Variants in ARHGAP44 observed in about 807,000 individuals in gnomAD.
ARHGAP44 encodes the protein Rho GTPase activating protein 44.
ARHGAP44 carries 43 observed loss-of-function variants against 106.8 expected under a neutral mutation model. The ratio of observed to expected loss-of-function variants is 0.40; its 90% CI spans 0.32 to 0.52. ARHGAP44 has a LOEUF of 0.52. Among genes scored for constraint, ARHGAP44 ranks in the 20% least tolerant of loss-of-function variants. The probability of loss-of-function intolerance (pLI) is 0.48; values close to 1 mark genes in which losing one functional copy is unlikely to be tolerated. For missense variants in ARHGAP44, 866 were observed against 1,050.5 expected (o/e 0.82, Z 2.43); for synonymous variants, 439 against 410.3 (o/e 1.07, Z -0.85).
chr17:12,903,140 AGTGTGTGTGTGTGTGTGTGTGT>A (rs546197652), intron 3 of ARHGAP44, among the ~76,000 whole-genome samples: 19 of 57,574 alleles, frequency 3.3e-4, no homozygotes, highest in African/African-American at 8.8e-4. Context: ...AGAGAGAGAG[AGTGTGTGTGTGTGTGTGTGTGT>A]GTGTGTGTGT....
chr17:12,932,556 A>G (rs947152897), intron 7 of ARHGAP44, among the ~76,000 whole-genome samples: 12 of 152,220 alleles, frequency 7.9e-5, no homozygotes, highest in Admixed American at 7.8e-4. Flanking sequence ...GATCCTGGGT[A>G]GCCCTTTGGA....
At chr17:12,956,982 G>A (rs1227189776) in intron 15 of ARHGAP44, among the ~76,000 whole-genome samples, 1 of 151,938 alleles carries the variant, frequency 6.6e-6, no homozygotes, top group Non-Finnish European at 1.5e-5. Context: ...ATGGAGTTTT[G>A]CTCTTGTTGC....
chr17:12,877,712 T>A (rs1331416132), intron 1 of ARHGAP44, among the ~76,000 whole-genome samples: 1 of 151,300 alleles, frequency 6.6e-6, no homozygotes, highest in East Asian at 1.9e-4. Flanking sequence ...ATCGCGCCAC[T>A]GCACCCCAGC....
intron 1 of ARHGAP44, among the ~76,000 whole-genome samples, chr17:12,814,096 T>C (rs1165366534): frequency 6.6e-6 from 1 of 151,800 alleles, no homozygotes; most frequent in Non-Finnish European, 1.5e-5. Context: ...TTAATTCATC[T>C]CCCTTTTTGA....
intron 1 of ARHGAP44, among the ~76,000 whole-genome samples, chr17:12,799,311 A>C (rs2034017756): frequency 6.6e-6 from 1 of 152,208 alleles, no homozygotes; most frequent in Non-Finnish European, 1.5e-5. Context: ...TTAACATAGC[A>C]AAAGCTTCCT....
intron 1 of ARHGAP44, among the ~76,000 whole-genome samples, chr17:12,849,212 GGC>G (rs1199992315): frequency 1.5e-5 from 2 of 131,980 alleles, no homozygotes; most frequent in East Asian, 5.1e-4. Flanking sequence ...AACTGAGGTG[GGC>G]GTGTGTGTGT....
chr17:12,968,241 C>T (rs2039440152), intron 16 of ARHGAP44, among the ~76,000 whole-genome samples: 1 of 152,124 alleles, frequency 6.6e-6, no homozygotes, highest in Non-Finnish European at 1.5e-5. Flanking sequence ...TTTTATCTGT[C>T]TCCACCTTAC....
intron 3 of ARHGAP44, among the ~76,000 whole-genome samples, chr17:12,904,621 A>G (rs956523473): frequency 6.6e-6 from 1 of 152,244 alleles, no homozygotes; most frequent in Non-Finnish European, 1.5e-5. Flanking sequence ...AGACAGTTCC[A>G]TAGGTAGTGA....
chr17:12,945,665 T>G (rs146443338), intron 10 of ARHGAP44, among the ~76,000 whole-genome samples: 2 of 152,318 alleles, frequency 1.3e-5, no homozygotes, highest in African/African-American at 4.8e-5. Context: ...GTATGTGGCA[T>G]GCTTCCTGTA....
At chr17:12,986,952 G>A in intron 20 of ARHGAP44, 1 of 698,936 alleles carries the variant, frequency 1.4e-6, no homozygotes, top group Non-Finnish European at 2.4e-6. Flanking sequence ...CATACGTTCA[G>A]GTCTCTGAGC....
intron 1 of ARHGAP44, among the ~76,000 whole-genome samples, chr17:12,869,114 C>T (rs1301242769): frequency 6.6e-6 from 1 of 151,858 alleles, no homozygotes; most frequent in Non-Finnish European, 1.5e-5. Context: ...GCCTGGGGCT[C>T]GAAAATAACC....
chr17:12,871,858 G>A (rs1364903097), intron 1 of ARHGAP44, among the ~76,000 whole-genome samples: 2 of 152,090 alleles, frequency 1.3e-5, no homozygotes, highest in Non-Finnish European at 2.9e-5. Context: ...TACCATGATT[G>A]TAAGTTTCCT....
At chr17:12,808,166 A>G (rs894160545) in intron 1 of ARHGAP44, among the ~76,000 whole-genome samples, 1 of 152,248 alleles carries the variant, frequency 6.6e-6, no homozygotes, top group African/African-American at 2.4e-5. Flanking sequence ...GTGGATTTGC[A>G]GGCTACAGTC....
At chr17:12,849,995 C>T (rs1009917497) in intron 1 of ARHGAP44, among the ~76,000 whole-genome samples, 1 of 152,144 alleles carries the variant, frequency 6.6e-6, no homozygotes, top group Non-Finnish European at 1.5e-5. Context: ...TCAGATTTCC[C>T]TTATGCTTCA....
At position 12,931,789 on chromosome 17, in the gene ARHGAP44, G is replaced by A. The variant is rs144304691; in HGVS notation, c.582+2743G>A. Reference sequence around the variant, plus strand: ...GCTGGGATTACAGGCATGAGCCACCGCACCCAGCCGTTAGTCTTTTTTATA... The same window carrying A: ...GCTGGGATTACAGGCATGAGCCACCACACCCAGCCGTTAGTCTTTTTTATA... On this transcript the variant is annotated intron_variant, in intron 7 of 20. Transcript: ENST00000379672. Among the ~76,000 whole-genome samples, 967 of 151,332 alleles carry A rather than the reference G, an allele frequency of 6.4e-3. 13 individuals are homozygous for A. The highest frequency in any genetic ancestry group is 0.022 in the African/African-American group (921 of 41,138).
intron 1 of ARHGAP44, among the ~76,000 whole-genome samples, chr17:12,884,537 T>C (rs1417842476): frequency 6.6e-6 from 1 of 152,232 alleles, no homozygotes; most frequent in African/African-American, 2.4e-5. Context: ...GTTTCTTTTT[T>C]ACTTTTAAAA....
chr17:12,979,492 C>T (rs1310534416), intron 18 of ARHGAP44, among the ~76,000 whole-genome samples: 1 of 152,106 alleles, frequency 6.6e-6, no homozygotes, highest in Non-Finnish European at 1.5e-5. Context: ...TTTCTGTCCA[C>T]CCTAGCTTCT....
At chr17:12,792,600 G>T (rs1407079355) in intron 1 of ARHGAP44, among the ~76,000 whole-genome samples, 5 of 152,168 alleles carry the variant, frequency 3.3e-5, no homozygotes, top group Admixed American at 3.3e-4. Flanking sequence ...GAAGCACATA[G>T]GATTGGAATT....
At chr17:12,810,099 A>G (rs2215053) in intron 1 of ARHGAP44, among the ~76,000 whole-genome samples, 27,269 of 151,944 alleles carry the variant, frequency 0.18, 4,160 homozygotes, top group African/African-American at 0.41. Flanking sequence ...AAAGTACTAG[A>G]TGTTGTGGAA....
Sources: allele counts gnomAD v4.1 joint callset (sites outside exome capture counted in the v4.1 genomes callset), GRCh38; gene constraint gnomAD v4.1.1; transcripts MANE v1.5; gene names NCBI Gene and HGNC (gene_info 2026-07-23, HGNC 2026-07-21).